The following JADE3 variants were observed in gnomAD, a reference collection of about 807,000 sequenced individuals.
The protein encoded by JADE3 is jade family PHD finger 3, also known as protein Jade-3.
JADE3 carries 2 observed loss-of-function variants against 50.1 expected under a neutral mutation model. The observed-to-expected ratio is 0.04, with a 90% CI of 0.02 to 0.13. JADE3 has a LOEUF of 0.13. Among genes scored for constraint, JADE3 ranks in the 10% least tolerant of loss-of-function variants. JADE3 has a pLI of 1.00. For synonymous variants in JADE3, 218 were observed against 232.9 expected (o/e 0.94, Z 0.58); for missense variants, 475 against 634.4 (o/e 0.75, Z 2.70).
At chrX:46,918,318 T>C (rs1556337024) in intron 1 of JADE3, among the ~76,000 whole-genome samples, 1 of 112,350 alleles carries the variant, frequency 8.9e-6, no homozygotes, top group African/African-American at 3.2e-5. Flanking sequence ...AAATATATCA[T>C]GATAAAGATA....
intron 1 of JADE3, among the ~76,000 whole-genome samples, chrX:46,938,727 A>T (rs1335173511): frequency 4.4e-5 from 5 of 112,437 alleles, no homozygotes; most frequent in Admixed American, 2.8e-4. Context: ...GCTGGCTATA[A>T]ATTCTCATTT....
At chrX:46,947,065 G>A (rs1257527547) in intron 1 of JADE3, among the ~76,000 whole-genome samples, 1 of 111,255 alleles carries the variant, frequency 9.0e-6, no homozygotes, top group Admixed American at 9.5e-5. Context: ...TGTCACCCAG[G>A]CTGGAGTGCA....
At chrX:46,977,176 A>G (rs1927644906) in intron 1 of JADE3, among the ~76,000 whole-genome samples, 1 of 111,760 alleles carries the variant, frequency 8.9e-6, no homozygotes, top group Non-Finnish European at 1.9e-5. Context: ...CCTGGCCAGC[A>G]TGGTGAAACC....
chrX:47,003,522 CTA>C lies in JADE3; in HGVS notation c.284+5247_284+5248del, dbSNP rs1204358234. ...AATATCTTGTTGGAAATTTTTATGTCTATGTATTTTTATGTCTTATTTTTATG... is the reference window on the plus strand; with the variant it reads ...AATATCTTGTTGGAAATTTTTATGTCTGTATTTTTATGTCTTATTTTTATG... On this transcript the variant is annotated intron_variant, in intron 4 of 10. Coordinates refer to ENST00000614628, the MANE Select transcript of JADE3 (RefSeq NM_014735.5). Among the ~76,000 whole-genome samples the C allele has an allele frequency of 6.7e-5, 7 of 105,043 alleles. No homozygotes were observed. In the East Asian group the frequency reaches 2.0e-3, roughly 31 times the overall value. The allele number at this position is 105,043 out of a possible 115,157, so 91.2% of individuals were successfully genotyped here.
intron 1 of JADE3, among the ~76,000 whole-genome samples, chrX:46,920,826 T>A (rs1306229545): frequency 8.0e-5 from 9 of 112,533 alleles, no homozygotes; most frequent in African/African-American, 2.9e-4. Flanking sequence ...TATATATCTA[T>A]CATTTCTCCA....
chrX:46,914,543 C>T (rs1305829307), intron 1 of JADE3, among the ~76,000 whole-genome samples: 1 of 112,107 alleles, frequency 8.9e-6, no homozygotes, highest in Non-Finnish European at 1.9e-5. Context: ...TACCTGAGAC[C>T]GTTGAGAAGT....
Position 47,058,168 on chromosome X carries a change from G to A in JADE3, c.1563G>A (p.Gly521=). The A allele has an allele frequency of 8.4e-7, 1 of 1,196,544 alleles. No homozygotes were observed. Among genetic ancestry groups the A allele is most frequent in the Non-Finnish European group, 1.1e-6 (1 of 887,981 alleles). ...ACGAATCTTTCTTTTTTATCTCAGG[G>A]CTTCCTTTGACAAATGCACTTGAAA... ...VQLLNQEIDA[G]LPLTNALENS... The change falls in exon 11 of 11, where the codon GGG becomes GGA. Residue 521 remains glycine (G), a splice_region_variant and synonymous_variant. Transcript: ENST00000614628.
rs1556357949 is a variant in JADE3 at position 46,998,199 on chromosome X, C to T, written c.206C>T (p.Ala69Val). 1 of 1,204,985 alleles carries T rather than the reference C, an allele frequency of 8.3e-7. No homozygotes were observed. Residue 69 changes from alanine to valine, a missense_variant, in exon 4 of 11, where the codon GCT becomes GTT. Physicochemically the swap from Ala to Val is moderately conservative, Grantham distance 64 (BLOSUM62 0). Transcript: ENST00000614628. ...HINPDSYYLF[A>V]DTWKEEWEKG... ...AATCCTGATAGCTATTACCTCTTTG[C>T]TGATACATGGAAGGAAGAATGGGAA... is the stretch of plus-strand genomic sequence containing the variant.
intron 1 of JADE3, among the ~76,000 whole-genome samples, chrX:46,948,142 A>T (rs1556343930): frequency 3.6e-5 from 4 of 112,215 alleles, no homozygotes; most frequent in African/African-American, 1.3e-4. Flanking sequence ...ATCACTGTCT[A>T]AATTCAAGTT....
intron 5 of JADE3, among the ~76,000 whole-genome samples, chrX:47,025,436 G>T (rs997317507): frequency 8.9e-6 from 1 of 112,157 alleles, no homozygotes; most frequent in African/African-American, 3.2e-5. Context: ...AAGAAAAGTT[G>T]CAGGCCTAGA....
intron 8 of JADE3, among the ~76,000 whole-genome samples, chrX:47,050,608 A>C (rs1480179118): frequency 8.9e-6 from 1 of 111,970 alleles, no homozygotes; most frequent in Non-Finnish European, 1.9e-5. Context: ...CAGTTTCCTA[A>C]AAGGTATTAT....
In JADE3 at chrX:46,964,104, A is replaced by G. The variant is rs781792855; in HGVS notation, c.-11-20780A>G. Among the ~76,000 whole-genome samples, 4 of 112,389 alleles carry G rather than the reference A, an allele frequency of 3.6e-5. No individual in the cohort carries two copies. The South Asian group carries it at 1.5e-3, about 42-fold the overall frequency. ...GACCCTGATGATGGTCCTCTTGTGA[A>G]GCTAAATTGTTTTGAAGCTTGGATG... On this transcript the variant is annotated intron_variant, in intron 1 of 10. Transcript: ENST00000614628.
rs1041152124 is a variant in JADE3 at position 47,006,001 on chromosome X, A to G, written c.284+7724A>G. 2.3e-4 allele frequency among the ~76,000 whole-genome samples: 26 copies of G among 111,527 alleles called. 1 individual carries two copies. The highest frequency in any genetic ancestry group is 7.5e-5 in the Non-Finnish European group (4 of 53,093). ...GATCCAGAGTCTCATAATGCCCCAAATGTCTAGGTTTTAGTAAAAAATTAC... is the reference window on the plus strand; with the variant it reads ...GATCCAGAGTCTCATAATGCCCCAAGTGTCTAGGTTTTAGTAAAAAATTAC... On this transcript the variant is annotated intron_variant, in intron 4 of 10. Transcript: ENST00000614628.
intron 1 of JADE3, among the ~76,000 whole-genome samples, chrX:46,942,139 T>C (rs782778739): frequency 9.0e-6 from 1 of 111,279 alleles, no homozygotes; most frequent in East Asian, 2.8e-4. Flanking sequence ...ATGCACAGTT[T>C]GTGAATATTT....
At position 47,060,633 on chromosome X, in the gene JADE3, C is replaced by T. The variant is rs782632891; in HGVS notation, c.*1556C>T. On this transcript the variant is annotated 3_prime_UTR_variant, in exon 11 of 11. Coordinates refer to ENST00000614628, the MANE Select transcript of JADE3 (RefSeq NM_014735.5). The stretch of plus-strand genomic sequence containing the variant: ...TTTGCCTCTCTTTTGGCTACATCTT[C>T]AAAATATTTCTTTTGTGCCTATGTA... 8.9e-6 allele frequency: 1 copy of T among 112,095 alleles called. No individual in the cohort carries two copies. Among genetic ancestry groups the T allele is most frequent in the African/African-American group, 3.2e-5 (1 of 30,882 alleles). 9.2% of individuals were successfully genotyped at this position (112,095 alleles called of 1,213,427 possible).
intron 1 of JADE3, among the ~76,000 whole-genome samples, chrX:46,969,113 A>G (rs782809119): frequency 1.8e-5 from 2 of 113,042 alleles, no homozygotes; most frequent in East Asian, 5.5e-4. Flanking sequence ...GAATCAAAGT[A>G]GAAATCAAAA....
At chrX:46,932,212 C>G (rs1287826720) in intron 1 of JADE3, among the ~76,000 whole-genome samples, 4 of 111,938 alleles carry the variant, frequency 3.6e-5, no homozygotes, top group African/African-American at 9.7e-5. Context: ...CATTGGCTGA[C>G]GGGCCCACCC....
chrX:47,059,953 T>G lies in JADE3; in HGVS notation c.*876T>G, dbSNP rs1360878669. 1 of 112,475 alleles carries G rather than the reference T, an allele frequency of 8.9e-6. No individual in the cohort carries two copies. The highest frequency in any genetic ancestry group is 1.9e-5 in the Non-Finnish European group (1 of 53,287). The allele number at this position is 112,475 out of a possible 1,213,427, so 9.3% of individuals were successfully genotyped here. On this transcript the variant is annotated 3_prime_UTR_variant, in exon 11 of 11. Coordinates refer to ENST00000614628, the MANE Select transcript of JADE3 (RefSeq NM_014735.5). ...TGGCTGACAGTTTTTGTATACCTGC[T>G]TTAATGTTTATAAAATTTTTATTGA...
chrX:46,953,553 C>A (rs1556345785), intron 1 of JADE3, among the ~76,000 whole-genome samples: 1 of 111,591 alleles, frequency 9.0e-6, no homozygotes, highest in African/African-American at 3.3e-5. Context: ...AACCGGAAGT[C>A]TTCACTGATA....
Sources: gnomAD v4.1 joint callset for allele counts (sites outside exome capture counted in the v4.1 genomes callset) on GRCh38, gnomAD v4.1.1 for gene constraint, MANE v1.5 for transcripts, NCBI Gene and HGNC (gene_info 2026-07-23, HGNC 2026-07-21) for gene names.